The following LRRC37A2 variants were observed in gnomAD, a reference collection of about 807,000 sequenced individuals.
LRRC37A2 encodes leucine-rich repeat-containing protein 37A2.
Under a neutral mutation model 68.8 loss-of-function variants are expected in LRRC37A2, and 9 were observed. The observed-to-expected ratio is 0.13, with a 90% CI of 0.08 to 0.23. The LOEUF (loss-of-function observed/expected upper bound fraction) is 0.23. LRRC37A2 is among the 10% of genes least tolerant of loss of function. The pLI is 1.00. For missense variants in LRRC37A2, 168 were observed against 950.4 expected (o/e 0.18, Z 10.82); for synonymous variants, 63 against 367.6 (o/e 0.17, Z 9.48).
the LRRC37A2 span, among the ~76,000 whole-genome samples, chr17:46,869,702 C>T: frequency 2.6e-5 from 4 of 152,150 alleles, no homozygotes; most frequent in African/African-American, 9.7e-5. Context: ...GAGTCCCAGA[C>T]AAGAACACAG....
the LRRC37A2 span, among the ~76,000 whole-genome samples, chr17:46,837,532 C>T: frequency 5.9e-5 from 9 of 152,162 alleles, no homozygotes; most frequent in African/African-American, 1.9e-4. Context: ...CTGCCACCCT[C>T]GTTTTACAAA....
the LRRC37A2 span, among the ~76,000 whole-genome samples, chr17:46,787,697 T>C: frequency 4.6e-5 from 7 of 152,308 alleles, no homozygotes; most frequent in African/African-American, 1.7e-4. Context: ...CTCACGCCTG[T>C]ATTCCCGGCA....
chr17:46,818,333 A>T, the LRRC37A2 span, among the ~76,000 whole-genome samples: 6 of 138,278 alleles, frequency 4.3e-5, no homozygotes, highest in South Asian at 1.4e-3. Flanking sequence ...TTATCAGAGG[A>T]GCCAGGAGTT....
the LRRC37A2 span, among the ~76,000 whole-genome samples, chr17:46,455,742 T>A: frequency 6.7e-6 from 1 of 149,502 alleles, no homozygotes; most frequent in African/African-American, 2.5e-5. Context: ...CCTGATAATC[T>A]ATTATTTCAC....
the LRRC37A2 span, among the ~76,000 whole-genome samples, chr17:46,760,928 C>T: frequency 3.9e-5 from 6 of 152,138 alleles, no homozygotes; most frequent in Admixed American, 6.5e-5. Flanking sequence ...CAATGAATTT[C>T]GTGTTTAGAC....
the LRRC37A2 span, chr17:46,937,664 T>C: frequency 6.6e-6 from 1 of 152,232 alleles, no homozygotes; most frequent in Non-Finnish European, 1.5e-5. Context: ...GTTATTGAAC[T>C]TCATATAAAG....
At chr17:46,874,391 G>A in the LRRC37A2 span, among the ~76,000 whole-genome samples, 10 of 152,232 alleles carry the variant, frequency 6.6e-5, no homozygotes, top group East Asian at 3.9e-4. Context: ...GTCATACACC[G>A]ACCTGGAGTC....
chr17:46,814,738 T>G, the LRRC37A2 span, among the ~76,000 whole-genome samples: 2 of 152,100 alleles, frequency 1.3e-5, no homozygotes, highest in African/African-American at 4.8e-5. Context: ...TCCAGGTGCC[T>G]CCCTGGGCCC....
At chr17:46,978,731 T>C in the LRRC37A2 span, 1 of 1,612,452 alleles carries the variant, frequency 6.2e-7, no homozygotes, top group South Asian at 1.1e-5. Context: ...TCGGACTTGA[T>C]GAGCAGGTTG....
chr17:46,801,744 A>G, the LRRC37A2 span, among the ~76,000 whole-genome samples: 7 of 152,356 alleles, frequency 4.6e-5, no homozygotes, highest in East Asian at 1.2e-3. Context: ...TTTAACAAAA[A>G]GGGACTTGGA....
the LRRC37A2 span, among the ~76,000 whole-genome samples, chr17:46,832,115 A>T: frequency 6.6e-6 from 1 of 152,174 alleles, no homozygotes; most frequent in Non-Finnish European, 1.5e-5. Flanking sequence ...AGAGACCGAG[A>T]CCCTGAAAGG....
the LRRC37A2 span, among the ~76,000 whole-genome samples, chr17:46,696,383 A>G: frequency 7.1e-6 from 1 of 140,958 alleles, no homozygotes. Context: ...ACGTGCAGTA[A>G]CAGAAAGTAC....
At chr17:46,754,277 C>T in the LRRC37A2 span, among the ~76,000 whole-genome samples, 1 of 150,112 alleles carries the variant, frequency 6.7e-6, no homozygotes, top group Non-Finnish European at 1.5e-5. Context: ...GACCTCTTAC[C>T]TTTGATACAT....
chr17:46,914,512 G>C, the LRRC37A2 span, among the ~76,000 whole-genome samples: 230 of 151,850 alleles, frequency 1.5e-3, 1 homozygote, highest in African/African-American at 5.3e-3. Flanking sequence ...TTAGCCAGGC[G>C]TAGTGGTGCA....
chr17:46,966,366 ACCT>A, the LRRC37A2 span, among the ~76,000 whole-genome samples: 1 of 151,786 alleles, frequency 6.6e-6, no homozygotes, highest in Non-Finnish European at 1.5e-5. Flanking sequence ...CCATTGTGTG[ACCT>A]CCTCACACCT....
At chr17:46,875,080 G>C in the LRRC37A2 span, 1 of 1,613,320 alleles carries the variant, frequency 6.2e-7, no homozygotes, top group Non-Finnish European at 8.5e-7. Flanking sequence ...CCCTCCCTAT[G>C]CCCCTGGGTG....
the LRRC37A2 span, chr17:46,755,941 A>G: frequency 6.4e-6 from 6 of 940,996 alleles, no homozygotes; most frequent in African/African-American, 8.2e-5. Context: ...TACCTTCAAC[A>G]TGTGCTCGCT....
the LRRC37A2 span, chr17:46,935,466 A>C: frequency 7.3e-7 from 1 of 1,374,630 alleles, no homozygotes; most frequent in Non-Finnish European, 9.4e-7. Flanking sequence ...GGGTCCAATC[A>C]CAGGCTGAGA....
chr17:46,409,323 G>A, the LRRC37A2 span, among the ~76,000 whole-genome samples: 1 of 144,494 alleles, frequency 6.9e-6, no homozygotes, highest in Non-Finnish European at 1.5e-5. Context: ...TTAAGACAGG[G>A]TCTCGTTCTG....
Sources: gnomAD v4.1 joint callset for allele counts (sites outside exome capture counted in the v4.1 genomes callset) on GRCh38, gnomAD v4.1.1 for gene constraint, MANE v1.5 for transcripts, NCBI Gene and HGNC (gene_info 2026-07-23, HGNC 2026-07-21) for gene names.